CLMP: variants seen among roughly 807,000 people sequenced by gnomAD.
CLMP encodes the protein CXADR-like membrane protein.
CLMP carries 27 observed loss-of-function variants against 45.2 expected under a neutral mutation model. That is an observed-to-expected ratio of 0.60 (90% CI 0.44 to 0.82). CLMP has a LOEUF of 0.82. Ranked by LOEUF, CLMP falls within the 40% of genes least tolerant of loss-of-function variation. The probability of loss-of-function intolerance (pLI) is 0.00; values close to 1 mark genes in which losing one functional copy is unlikely to be tolerated. For missense variants in CLMP, 403 were observed against 448.4 expected, an observed-to-expected ratio of 0.90 and a Z score of 0.91; for synonymous variants, 167 against 171.4, an observed-to-expected ratio of 0.97 and a Z score of 0.20.
At chr11:123,183,956 T>C (rs564377635) in intron 1 of CLMP, among the ~76,000 whole-genome samples, 1 of 152,148 alleles carries the variant, frequency 6.6e-6, no homozygotes, top group African/African-American at 2.4e-5. Context: ...TAACTGGCTG[T>C]GGTAACACCA....
intron 1 of CLMP, among the ~76,000 whole-genome samples, chr11:123,188,405 CCTTCCTCCTCCTCTTCCTCCTCCT>C (rs146814009): frequency 8.7e-4 from 130 of 149,472 alleles, no homozygotes; most frequent in African/African-American, 2.6e-3. Flanking sequence ...AGTCTCTGTG[CCTTCCTCCTCCTCTTCCTCCTCCT>C]CTTCCTCCTC....
chr11:123,194,803 G>T, intron 1 of CLMP, 110 bp downstream of exon 1: 1 of 1,384,572 alleles, frequency 7.2e-7, no homozygotes, highest in Non-Finnish European at 1.0e-6. Context: ...TGAAAAGCCG[G>T]CTGACTCCAG....
intron 2 of CLMP, among the ~76,000 whole-genome samples, chr11:123,090,319 TG>T (rs997742791): frequency 4.3e-4 from 63 of 147,924 alleles, no homozygotes; most frequent in Non-Finnish European, 1.2e-4. Context: ...CTGGGCGTGG[TG>T]GCATGCACCT....
chr11:123,124,690 C>T (rs1469952004), intron 1 of CLMP, among the ~76,000 whole-genome samples: 2 of 152,208 alleles, frequency 1.3e-5, no homozygotes, highest in African/African-American at 4.8e-5. Context: ...GGGCATACAG[C>T]AGTGAACAAA....
chr11:123,135,806 C>T (rs1861062828), intron 1 of CLMP: 1 of 335,972 alleles, frequency 3.0e-6, no homozygotes, highest in African/African-American at 2.2e-5. Flanking sequence ...TATTTTCCAG[C>T]TAGTTGTTTC....
At chr11:123,134,097 TA>T (rs1362621650) in intron 1 of CLMP, among the ~76,000 whole-genome samples, 1 of 151,884 alleles carries the variant, frequency 6.6e-6, no homozygotes, top group Non-Finnish European at 1.5e-5. Flanking sequence ...CTGTCTCTAC[TA>T]AAAATACAAA....
chr11:123,121,328 C>T (rs1014309165), intron 1 of CLMP, among the ~76,000 whole-genome samples: 5 of 151,888 alleles, frequency 3.3e-5, no homozygotes, highest in African/African-American at 4.8e-5. Flanking sequence ...GATGGTGTCT[C>T]GTTCTGTCGT....
chr11:123,076,513 A>C (rs1865742161), intron 5 of CLMP, among the ~76,000 whole-genome samples: 1 of 152,196 alleles, frequency 6.6e-6, no homozygotes, highest in Non-Finnish European at 1.5e-5. Context: ...TAATGGAGGG[A>C]TACCACTTAA....
At chr11:123,085,385 A>C (rs1865852026) in intron 2 of CLMP, among the ~76,000 whole-genome samples, 1 of 151,872 alleles carries the variant, frequency 6.6e-6, no homozygotes, top group South Asian at 2.1e-4. Flanking sequence ...AGTAGCTGGG[A>C]TTACAGGTGT....
At chr11:123,151,730 A>G (rs111618435) in intron 1 of CLMP, among the ~76,000 whole-genome samples, 9 of 152,202 alleles carry the variant, frequency 5.9e-5, no homozygotes, top group African/African-American at 2.2e-4. Context: ...TCCTGCTGAG[A>G]TATGAAGTAT....
At chr11:123,154,460 G>C (rs555515564) in intron 1 of CLMP, among the ~76,000 whole-genome samples, 1 of 152,338 alleles carries the variant, frequency 6.6e-6, no homozygotes, top group African/African-American at 2.4e-5. Flanking sequence ...TTGCCCACTT[G>C]TGTTAGTCAT....
rs11219058 is a variant in CLMP at position 123,191,422 on chromosome 11, G to A, written c.28+3491C>T. 2.5e-4 allele frequency: 38 copies of A among 152,300 alleles called. No homozygotes were observed. In the East Asian group the frequency reaches 5.6e-3, roughly 22 times the overall value. The allele number at this position is 152,300 out of a possible 1,614,324, so 9.4% of individuals were successfully genotyped here. A position where few individuals can be genotyped will look rare whatever the true frequency, so the allele number is the denominator to read the frequency against. Reference sequence around the variant, plus strand: ...CCTGTCGTTATCTTACAGACCAATGGACTATGCATTCATGCCTTCTTCAAA... The same window carrying A: ...CCTGTCGTTATCTTACAGACCAATGAACTATGCATTCATGCCTTCTTCAAA... On this transcript the variant is annotated intron_variant, in intron 1 of 6. Transcript: ENST00000448775.
In CLMP at chr11:123,075,788, G is replaced by C. The variant is rs979014060; in HGVS notation, c.680-945C>G. On this transcript the variant is annotated intron_variant, in intron 5 of 6. Transcript: ENST00000448775. ...TCTGAAGATTTGTCTGCCTTAATAGGATAACATTTGGGCATTCCTCTGGCT... is the reference window on the plus strand; with the variant it reads ...TCTGAAGATTTGTCTGCCTTAATAGCATAACATTTGGGCATTCCTCTGGCT... Among the ~76,000 whole-genome samples the C allele has an allele frequency of 3.3e-5, 5 of 152,128 alleles. No homozygotes were observed. In the South Asian group the frequency reaches 1.0e-3, roughly 32 times the overall value.
intron 1 of CLMP, chr11:123,136,468 C>A (rs117113806): frequency 2.4e-5 from 9 of 373,648 alleles, no homozygotes; most frequent in Non-Finnish European, 4.4e-5. Flanking sequence ...CTCTCCCTGG[C>A]GCTTTAAGGG....
intron 1 of CLMP, among the ~76,000 whole-genome samples, chr11:123,135,402 C>G (rs1861058576): frequency 6.6e-6 from 1 of 151,888 alleles, no homozygotes; most frequent in Non-Finnish European, 1.5e-5. Context: ...ATGGTCAAAG[C>G]TAAGGACTGA....
At chr11:123,111,502 T>G (rs1371233255) in intron 1 of CLMP, among the ~76,000 whole-genome samples, 2 of 152,198 alleles carry the variant, frequency 1.3e-5, no homozygotes, top group Admixed American at 6.5e-5. Context: ...TTGAAGCGCT[T>G]TTTCAAAGAA....
At chr11:123,150,015 G>C (rs149226354) in intron 1 of CLMP, among the ~76,000 whole-genome samples, 9,553 of 151,820 alleles carry the variant, frequency 0.063, 326 homozygotes, top group Middle Eastern at 0.1. Context: ...ATGTTGGCCA[G>C]GCTGGTCTTG....
chr11:123,111,316 A>G (rs1050625984), intron 1 of CLMP, among the ~76,000 whole-genome samples: 2 of 152,070 alleles, frequency 1.3e-5, no homozygotes, highest in African/African-American at 4.8e-5. Flanking sequence ...TTTTTAGTAG[A>G]GACGGAGTTT....
At chr11:123,139,452 G>A (rs940524640) in intron 1 of CLMP, among the ~76,000 whole-genome samples, 7 of 152,078 alleles carry the variant, frequency 4.6e-5, no homozygotes, top group Non-Finnish European at 1.0e-4. Context: ...GTCTTTTTAG[G>A]GTTCAGTTTC....
Sources: allele counts gnomAD v4.1 joint callset (sites outside exome capture counted in the v4.1 genomes callset), GRCh38; gene constraint gnomAD v4.1.1; transcripts MANE v1.5; gene names NCBI Gene and HGNC (gene_info 2026-07-23, HGNC 2026-07-21).